The following DGKG variants were observed in gnomAD, a reference collection of about 807,000 sequenced individuals.
DGKG encodes diacylglycerol kinase gamma.
In DGKG, 78 loss-of-function variants were observed where a neutral mutation model predicts 105.3. The ratio of observed to expected loss-of-function variants is 0.74; its 90% confidence interval spans 0.62 to 0.89. The LOEUF (loss-of-function observed/expected upper bound fraction) is 0.89, where lower values mean the gene tolerates loss of function less well. Ranked by LOEUF, DGKG falls within the 40% of genes least tolerant of loss-of-function variation. The pLI, the probability that DGKG is intolerant of heterozygous loss-of-function variation, is 0.00. For synonymous variants in DGKG, 346 were observed against 367.1 expected (o/e 0.94, Z 0.66); for missense variants, 958 against 1,020.1 (o/e 0.94, Z 0.83).
In DGKG at chr3:186,186,252, C is replaced by G. The variant is rs1457746627; in HGVS notation, c.2095+1950G>C. ...AAACAAGAGAATAACTTCCCCAACC[C>G]CCGCCTTGATGTCAGCGGAGTTTTG... On this transcript the variant is annotated intron_variant, in intron 22 of 24. Coordinates refer to ENST00000265022, the MANE Select transcript of DGKG (RefSeq NM_001346.3). 3.9e-5 allele frequency among the ~76,000 whole-genome samples: 6 copies of G among 152,112 alleles called. No individual in the cohort carries two copies. The East Asian group carries it at 1.2e-3, about 29-fold the overall frequency.
intron 1 of DGKG, among the ~76,000 whole-genome samples, chr3:186,351,543 G>T (rs537693928): frequency 6.6e-6 from 1 of 152,238 alleles, no homozygotes; most frequent in South Asian, 2.1e-4. Context: ...AGAACTACTG[G>T]GTTCAGTGGT....
rs10574886 is a variant in DGKG at position 186,294,536 on chromosome 3, CAAA to C, written c.373+2882_373+2884del. On this transcript the variant is annotated intron_variant, in intron 5 of 24. Coordinates refer to ENST00000265022, the MANE Select transcript of DGKG (RefSeq NM_001346.3). ...GGGCAACAAGAGTGAAACTCTGTCT[CAAA>C]AAAAAAAAAAAAAAAAAGTCTCTAG... 1.8e-3 allele frequency among the ~76,000 whole-genome samples: 191 copies of C among 106,844 alleles called. 2 individuals carry two copies. Among genetic ancestry groups the C allele is most frequent in the Middle Eastern group, 9.9e-3 (2 of 202 alleles). 70.1% of individuals were successfully genotyped at this position (106,844 alleles called of 152,430 possible). A position where few individuals can be genotyped will look rare whatever the true frequency, so the allele number is the denominator to read the frequency against.
intron 22 of DGKG, among the ~76,000 whole-genome samples, chr3:186,169,506 A>G (rs989925341): frequency 6.6e-6 from 1 of 152,240 alleles, no homozygotes; most frequent in Non-Finnish European, 1.5e-5. Context: ...TTTGATGCCC[A>G]AGGTCCAATT....
At chr3:186,270,134 C>T (rs111600169) in intron 11 of DGKG, among the ~76,000 whole-genome samples, 525 of 52,452 alleles carry the variant, frequency 0.01, 2 homozygotes, top group African/African-American at 0.044. Flanking sequence ...TAAGAATAAA[C>T]GTGTTTTTTT....
chr3:186,358,999 G>C (rs966352222), intron 1 of DGKG, among the ~76,000 whole-genome samples: 4 of 152,174 alleles, frequency 2.6e-5, no homozygotes, highest in African/African-American at 9.7e-5. Context: ...AATAGGTATA[G>C]CTTTATGTTG....
At chr3:186,224,456 A>G (rs1339518500) in intron 20 of DGKG, among the ~76,000 whole-genome samples, 1 of 152,214 alleles carries the variant, frequency 6.6e-6, no homozygotes, top group East Asian at 1.9e-4. Context: ...ATTTGCCACC[A>G]TGCCCGCAGG....
intron 20 of DGKG, among the ~76,000 whole-genome samples, chr3:186,218,263 G>T (rs1308202727): frequency 6.6e-6 from 1 of 152,052 alleles, no homozygotes; most frequent in Non-Finnish European, 1.5e-5. Flanking sequence ...CCAGCACTTT[G>T]GGAGGCTGAG....
intron 12 of DGKG, 41 bp downstream of exon 12, chr3:186,268,760 A>C: frequency 4.8e-6 from 7 of 1,448,022 alleles, no homozygotes; most frequent in Non-Finnish European, 6.8e-6. Flanking sequence ...TGGGCAAAAA[A>C]ACGTTGAAAA....
At position 186,174,801 on chromosome 3, in the gene DGKG, C is replaced by T. The variant is rs375647136; in HGVS notation, c.2096-9783G>A. On this transcript the variant is annotated intron_variant, in intron 22 of 24. Coordinates refer to ENST00000265022, the MANE Select transcript of DGKG (RefSeq NM_001346.3). The stretch of plus-strand genomic sequence containing the variant: ...ATCTTTAAGGCATGGGTTGGATACT[C>T]TTAGGCCAGTTGGGTACCCCGCTCC... 7.9e-5 allele frequency among the ~76,000 whole-genome samples: 12 copies of T among 152,182 alleles called. No individual in the cohort carries two copies. The East Asian group carries it at 1.4e-3, about 17-fold the overall frequency.
chr3:186,152,367 C>T (rs1178111221), intron 24 of DGKG, among the ~76,000 whole-genome samples: 4 of 152,112 alleles, frequency 2.6e-5, no homozygotes, highest in East Asian at 1.9e-4. Context: ...ACTGGAGACT[C>T]GGACAGCACT....
chr3:186,152,645 C>T (rs1407075115), intron 24 of DGKG, among the ~76,000 whole-genome samples: 3 of 152,218 alleles, frequency 2.0e-5, no homozygotes, highest in African/African-American at 4.8e-5. Context: ...CTACATTTCC[C>T]GCTGGTAGAG....
At chr3:186,161,766 CCT>C in intron 23 of DGKG, 103 bp from the exon 24 acceptor site, 11 of 1,549,768 alleles carry the variant, frequency 7.1e-6, no homozygotes, top group Non-Finnish European at 9.7e-6. Context: ...TATCTGCCTA[CCT>C]AAGTGTGGTT....
chr3:186,218,428 A>G (rs1208728507), intron 20 of DGKG, among the ~76,000 whole-genome samples: 2 of 134,210 alleles, frequency 1.5e-5, no homozygotes, highest in African/African-American at 5.5e-5. Context: ...CTCTTGAACC[A>G]GGGAGTTGGA....
intron 1 of DGKG, among the ~76,000 whole-genome samples, chr3:186,328,688 G>A (rs1490873190): frequency 6.6e-6 from 1 of 150,976 alleles, no homozygotes; most frequent in Non-Finnish European, 1.5e-5. Flanking sequence ...TGATTCTCCT[G>A]CCTCAGCCTC....
In DGKG at chr3:186,271,797, A is replaced by G. The variant is rs372583438; in HGVS notation, c.999+458T>C. On this transcript the variant is annotated intron_variant, in intron 11 of 24. Transcript: ENST00000265022. ...TAAGCCGTGTCTCATGCCTTTACACATGAGGCTTCCTCTGCCTGGAGAGTC... is the reference window on the plus strand; with the variant it reads ...TAAGCCGTGTCTCATGCCTTTACACGTGAGGCTTCCTCTGCCTGGAGAGTC... Among the ~76,000 whole-genome samples the G allele has an allele frequency of 2.0e-4, 31 of 152,228 alleles. No individual in the cohort carries two copies. In the East Asian group the frequency reaches 4.5e-3, roughly 22 times the overall value.
chr3:186,360,170 G>T (rs1360966144), intron 1 of DGKG, among the ~76,000 whole-genome samples: 8 of 152,040 alleles, frequency 5.3e-5, no homozygotes. Context: ...TGGAGCAGTT[G>T]GGGGAGCTGG....
At chr3:186,346,459 T>A (rs1170327771) in intron 1 of DGKG, among the ~76,000 whole-genome samples, 1 of 152,214 alleles carries the variant, frequency 6.6e-6, no homozygotes, top group Non-Finnish European at 1.5e-5. Flanking sequence ...TTATTTTACA[T>A]TTCCTTTAAT....
Position 186,302,460 on chromosome 3 carries a change from CTATATATATATATATATATATATATATA to C in DGKG, c.145-4259_145-4232del, listed in dbSNP as rs58937810. 5.1e-4 allele frequency among the ~76,000 whole-genome samples: 25 copies of C among 48,812 alleles called. 1 individual carries two copies. The highest frequency in any genetic ancestry group is 4.5e-3 in the East Asian group (6 of 1,344). 32.0% of individuals were successfully genotyped at this position (48,812 alleles called of 152,430 possible). A position where few individuals can be genotyped will look rare whatever the true frequency, so the allele number is the denominator to read the frequency against. On this transcript the variant is annotated intron_variant, in intron 3 of 24. Transcript: ENST00000265022. ...AGATTGGAAAAAGGGGGGAAATGTG[CTATATATATATATATATATATATATATA>C]TATATATATATATATATACATATGT...
intron 19 of DGKG, among the ~76,000 whole-genome samples, chr3:186,249,151 C>T (rs1267948421): frequency 3.9e-5 from 6 of 152,018 alleles, no homozygotes; most frequent in East Asian, 1.9e-4. Context: ...AGGGCATCTG[C>T]GTGGGTCACT....
Sources: gnomAD v4.1 joint callset for allele counts (sites outside exome capture counted in the v4.1 genomes callset) on GRCh38, gnomAD v4.1.1 for gene constraint, MANE v1.5 for transcripts, NCBI Gene and HGNC (gene_info 2026-07-23, HGNC 2026-07-21) for gene names.